Variants in IMMT observed in about 807,000 individuals in gnomAD.
The protein encoded by IMMT is inner membrane mitochondrial protein.
IMMT carries 40 observed loss-of-function variants against 92.7 expected under a neutral mutation model. The observed-to-expected ratio is 0.43, with a 90% CI of 0.34 to 0.56. The LOEUF is 0.56. Among genes scored for constraint, IMMT ranks in the 20% least tolerant of loss-of-function variants. IMMT has a pLI of 0.03. For missense variants in IMMT, 831 were observed against 912.1 expected (o/e 0.91, Z 1.14); for synonymous variants, 322 against 336.1 (o/e 0.96, Z 0.46).
intron 14 of IMMT, among the ~76,000 whole-genome samples, chr2:86,145,237 G>A (rs879766525): frequency 4.0e-5 from 6 of 148,486 alleles, no homozygotes; most frequent in Admixed American, 2.1e-4. Flanking sequence ...GCTCATGCCT[G>A]TAATCCCAGC....
Position 86,159,689 on chromosome 2 carries a change from A to AC in IMMT, c.897-19_897-18insG. 1 of 1,529,836 alleles carries AC rather than the reference A, an allele frequency of 6.5e-7. No homozygotes were observed. Among genetic ancestry groups the AC allele is most frequent in the Non-Finnish European group, 8.7e-7 (1 of 1,145,586 alleles). The allele number at this position is 1,529,836 out of a possible 1,614,324, so 94.8% of individuals were successfully genotyped here. A position where few individuals can be genotyped will look rare whatever the true frequency, so the allele number is the denominator to read the frequency against. On this transcript the variant is annotated intron_variant, in intron 8 of 14. Transcript: ENST00000410111. Reference sequence around the variant, plus strand: ...ACTCTTCTCTGGAAACCAACAAAACAAAGATTTAATATAACTTCTTGTCAA... The same window carrying AC: ...ACTCTTCTCTGGAAACCAACAAAACACAAGATTTAATATAACTTCTTGTCAA...
chr2:86,194,182 C>G (rs1027852608), intron 1 of IMMT, among the ~76,000 whole-genome samples: 4 of 152,202 alleles, frequency 2.6e-5, no homozygotes, highest in African/African-American at 7.2e-5. Context: ...ACTGCATGAG[C>G]CTGGAAGAGG....
At chr2:86,146,891 G>A (rs1385086817) in intron 13 of IMMT, among the ~76,000 whole-genome samples, 1 of 152,196 alleles carries the variant, frequency 6.6e-6, no homozygotes, top group Non-Finnish European at 1.5e-5. Flanking sequence ...CTCCGGAGTG[G>A]CTGGGATTAC....
At chr2:86,191,211 G>A (rs1269978443) in intron 1 of IMMT, among the ~76,000 whole-genome samples, 2 of 151,938 alleles carry the variant, frequency 1.3e-5, no homozygotes, top group African/African-American at 4.8e-5. Context: ...TGGGTGTGGT[G>A]GTGCATGCCT....
chr2:86,166,737 T>C, intron 6 of IMMT, 93 bp from the exon 7 acceptor site: 2 of 1,224,370 alleles, frequency 1.6e-6, no homozygotes, highest in Non-Finnish European at 2.2e-6. Flanking sequence ...TTCCATTGCA[T>C]TTCCCAAAAA....
At chr2:86,171,168 G>T (rs2288113) in intron 5 of IMMT, 40 bp downstream of exon 5, 3 of 1,516,540 alleles carry the variant, frequency 2.0e-6, no homozygotes, top group Non-Finnish European at 2.7e-6. Flanking sequence ...TCTGATGAGT[G>T]TATCATGTAT....
intron 10 of IMMT, among the ~76,000 whole-genome samples, chr2:86,155,562 A>G (rs1675799612): frequency 1.3e-5 from 2 of 152,254 alleles, no homozygotes; most frequent in East Asian, 3.8e-4. Flanking sequence ...CCGGTACAAA[A>G]TAATGCTCAA....
chr2:86,159,456 T>A, intron 9 of IMMT, 80 bp downstream of exon 9: 2 of 1,106,154 alleles, frequency 1.8e-6, no homozygotes, highest in South Asian at 2.7e-5. Flanking sequence ...GGTAGGAATT[T>A]GCTGTTTTCC....
chr2:86,184,479 CGTTT>C (rs1257812025), intron 1 of IMMT, among the ~76,000 whole-genome samples: 2 of 151,942 alleles, frequency 1.3e-5, no homozygotes, highest in African/African-American at 2.4e-5. Flanking sequence ...TATATTAATA[CGTTT>C]GTTATTGTTA....
chr2:86,190,810 A>T (rs1673068670), intron 1 of IMMT, among the ~76,000 whole-genome samples: 1 of 152,148 alleles, frequency 6.6e-6, no homozygotes, highest in Admixed American at 6.5e-5. Flanking sequence ...TAATATGGTG[A>T]AACCCTGTCT....
chr2:86,159,419 A>C, intron 9 of IMMT, 117 bp downstream of exon 9: 1 of 907,282 alleles, frequency 1.1e-6, no homozygotes, highest in Non-Finnish European at 1.8e-6. Context: ...CAACGAATAC[A>C]CTTTGCAGGA....
At position 86,152,140 on chromosome 2, in the gene IMMT, G is replaced by A. The variant is rs186494846; in HGVS notation, c.1178-620C>T. ...CCAAAAATGTAGCAACACATACACA[G>A]ATTAAGAATTATGGCTCCAGCCAGG... On this transcript the variant is annotated intron_variant, in intron 11 of 14. Coordinates refer to ENST00000410111, the MANE Select transcript of IMMT (RefSeq NM_006839.3). Among the ~76,000 whole-genome samples the A allele has an allele frequency of 4.6e-5, 7 of 152,000 alleles. No individual in the cohort carries two copies. In the East Asian group the frequency reaches 1.2e-3, roughly 25 times the overall value.
In IMMT at chr2:86,157,110, T is replaced by G. The variant is rs114705576; in HGVS notation, c.1162+1482A>C. Among the ~76,000 whole-genome samples, 572 of 152,280 alleles carry G rather than the reference T, an allele frequency of 3.8e-3. 6 individuals are homozygous for G. The highest frequency in any genetic ancestry group is 0.013 in the African/African-American group (555 of 41,548). On this transcript the variant is annotated intron_variant, in intron 10 of 14. Coordinates refer to ENST00000410111, the MANE Select transcript of IMMT (RefSeq NM_006839.3). ...TCAAGGATAAATTGTCCACAATGCCTTCTTTGCTCGATGGTAGCTATCCAG... is the reference window on the plus strand; with the variant it reads ...TCAAGGATAAATTGTCCACAATGCCGTCTTTGCTCGATGGTAGCTATCCAG...
chr2:86,159,112 G>T (rs1405272777), intron 9 of IMMT: 1 of 231,568 alleles, frequency 4.3e-6, no homozygotes, highest in Non-Finnish European at 8.6e-6. Context: ...TTTTGACAGG[G>T]TCTCACTCTG....
At chr2:86,147,599 G>A in intron 13 of IMMT, 103 bp downstream of exon 13, 2 of 1,157,192 alleles carry the variant, frequency 1.7e-6, no homozygotes, top group Non-Finnish European at 2.4e-6. Flanking sequence ...CATACAAGGA[G>A]ATTTCCAAAT....
chr2:86,145,970 C>T, intron 14 of IMMT, 98 bp downstream of exon 14: 1 of 929,526 alleles, frequency 1.1e-6, no homozygotes. Flanking sequence ...ATTTTTATGT[C>T]CTGATGTCAG....
At chr2:86,159,094 T>G (rs929256537) in intron 9 of IMMT, among the ~76,000 whole-genome samples, 7 of 147,018 alleles carry the variant, frequency 4.8e-5, no homozygotes, top group African/African-American at 1.9e-4. Context: ...AAAAAAAAAT[T>G]TTTTTTTTTT....
chr2:86,195,462 T>C lies in IMMT; in HGVS notation c.-80A>G. 6.9e-7 allele frequency: 1 copy of C among 1,446,614 alleles called. No homozygotes were observed. Among genetic ancestry groups the C allele is most frequent in the East Asian group, 2.6e-5 (1 of 38,694 alleles). 89.6% of individuals were successfully genotyped at this position (1,446,614 alleles called of 1,614,324 possible). ...TTAAGTGGAGGCGTGCTTGCGTGTG[T>C]GCGTGCCCGCGTCCGCGCCCGGCGC... On this transcript the variant is annotated 5_prime_UTR_variant, in exon 1 of 15. Transcript: ENST00000410111.
intron 10 of IMMT, among the ~76,000 whole-genome samples, chr2:86,155,033 T>C (rs1675755844): frequency 6.6e-6 from 1 of 152,182 alleles, no homozygotes; most frequent in Admixed American, 6.5e-5. Flanking sequence ...CGACTGATTT[T>C]TGTATTTTTA....
Sources: allele counts gnomAD v4.1 joint callset (sites outside exome capture counted in the v4.1 genomes callset), GRCh38; gene constraint gnomAD v4.1.1; transcripts MANE v1.5; gene names NCBI Gene and HGNC (gene_info 2026-07-23, HGNC 2026-07-21).